The following CSMD2 variants were observed in gnomAD, a reference collection of about 807,000 sequenced individuals.
The protein encoded by CSMD2 is CUB and Sushi multiple domains 2.
A neutral mutation model predicts 398.5 loss-of-function variants in CSMD2; 130 were observed. The observed-to-expected ratio is 0.33, with a 90% CI of 0.28 to 0.38. The LOEUF (loss-of-function observed/expected upper bound fraction) is 0.38, where lower values mean the gene tolerates loss of function less well. Ranked by LOEUF, CSMD2 falls within the 10% of genes least tolerant of loss-of-function variation. CSMD2 has a pLI of 1.00. For synonymous variants in CSMD2, 1,828 were observed against 1,908.5 expected (o/e 0.96, Z 1.10); for missense variants, 3,829 against 4,764.9 (o/e 0.80, Z 5.78).
At chr1:33,804,381 C>G (rs879494479) in intron 10 of CSMD2, among the ~76,000 whole-genome samples, 1 of 152,196 alleles carries the variant, frequency 6.6e-6, no homozygotes, top group East Asian at 1.9e-4. Context: ...ACCTCAGTGC[C>G]TTTGCACATT....
At chr1:33,831,565 A>C (rs1257300602) in intron 6 of CSMD2, among the ~76,000 whole-genome samples, 1 of 152,062 alleles carries the variant, frequency 6.6e-6, no homozygotes, top group African/African-American at 2.4e-5. Context: ...TCATGCCAAA[A>C]TGTAAAGACC....
chr1:33,615,413 C>G (rs577810574), intron 39 of CSMD2, among the ~76,000 whole-genome samples: 37 of 152,274 alleles, frequency 2.4e-4, no homozygotes, highest in African/African-American at 8.4e-4. Flanking sequence ...ATTGGCAGGT[C>G]CAGGCAAGTG....
At chr1:33,700,752 A>C (rs1221137923) in intron 22 of CSMD2, 79 bp from the exon 23 acceptor site, 7 of 1,431,182 alleles carry the variant, frequency 4.9e-6, no homozygotes, top group Non-Finnish European at 6.8e-6. Flanking sequence ...CCCACAACCC[A>C]CACTCCTGGA....
chr1:33,978,448 C>T (rs572155645), intron 3 of CSMD2, among the ~76,000 whole-genome samples: 76 of 152,304 alleles, frequency 5.0e-4, no homozygotes, highest in African/African-American at 1.8e-3. Flanking sequence ...GCAACCCACT[C>T]CAGGGCGAGA....
At chr1:34,001,344 T>C (rs1646894933) in intron 3 of CSMD2, among the ~76,000 whole-genome samples, 1 of 152,196 alleles carries the variant, frequency 6.6e-6, no homozygotes, top group African/African-American at 2.4e-5. Flanking sequence ...AAAAATTTTA[T>C]ATATAGCAAT....
intron 6 of CSMD2, among the ~76,000 whole-genome samples, chr1:33,843,726 T>G (rs898202702): frequency 3.3e-5 from 5 of 152,168 alleles, no homozygotes; most frequent in Admixed American, 3.3e-4. Flanking sequence ...GGCTTCCTGT[T>G]GGATTGGCAG....
At chr1:33,520,092 G>T in intron 68 of CSMD2, 142 bp from the exon 69 acceptor site, 1 of 975,266 alleles carries the variant, frequency 1.0e-6, no homozygotes, top group Non-Finnish European at 1.5e-6. Context: ...GGAGGCAGGT[G>T]TGCCCAGGGC....
chr1:33,766,534 A>G (rs1650522494), intron 13 of CSMD2, among the ~76,000 whole-genome samples: 1 of 152,222 alleles, frequency 6.6e-6, no homozygotes, highest in Non-Finnish European at 1.5e-5. Flanking sequence ...GGCCCACTTC[A>G]TTTATATAAT....
chr1:33,828,700 T>C (rs1570092), intron 6 of CSMD2, among the ~76,000 whole-genome samples: 119,477 of 152,070 alleles, frequency 0.79, 47,786 homozygotes, highest in East Asian at 0.94. Context: ...CACGGTTGCA[T>C]TGAGGAAAAG....
intron 25 of CSMD2, among the ~76,000 whole-genome samples, chr1:33,663,877 C>T (rs508546): frequency 0.92 from 139,771 of 152,288 alleles, 64,171 homozygotes; most frequent in Admixed American, 0.94. Flanking sequence ...GTTGCAAAGA[C>T]AATACGGTGT....
chr1:34,082,359 G>A (rs1260390631), intron 2 of CSMD2, among the ~76,000 whole-genome samples: 1 of 151,650 alleles, frequency 6.6e-6, no homozygotes, highest in Non-Finnish European at 1.5e-5. Flanking sequence ...CCCAGCAGCC[G>A]CCCCGTCTGG....
chr1:34,165,655 T>C (rs1641823797), upstream of CSMD2: 2 of 1,186,074 alleles, frequency 1.7e-6, no homozygotes, highest in South Asian at 2.6e-5. Flanking sequence ...CACAGGCACA[T>C]ACACGCACAC....
At chr1:34,081,000 A>G (rs1219974166) in intron 2 of CSMD2, among the ~76,000 whole-genome samples, 8 of 149,810 alleles carry the variant, frequency 5.3e-5, no homozygotes, top group Non-Finnish European at 1.2e-4. Context: ...GATGTGAGAA[A>G]GGGATGTGAC....
At chr1:33,928,031 C>A (rs1050849665) in intron 4 of CSMD2, among the ~76,000 whole-genome samples, 5 of 152,212 alleles carry the variant, frequency 3.3e-5, no homozygotes, top group South Asian at 2.1e-4. Flanking sequence ...TGGAGCCATG[C>A]AGGGGATGCC....
chr1:33,542,652 C>G, intron 58 of CSMD2, 68 bp downstream of exon 58: 1 of 1,417,362 alleles, frequency 7.1e-7, no homozygotes, highest in Non-Finnish European at 9.6e-7. Context: ...CCATGGATAG[C>G]CTTCTCCTCT....
chr1:33,699,630 AGAC>A (rs1225065851), intron 23 of CSMD2, among the ~76,000 whole-genome samples: 5 of 152,232 alleles, frequency 3.3e-5, no homozygotes, highest in Non-Finnish European at 7.3e-5. Context: ...CCTTGAGCCC[AGAC>A]GAGGGGAAAC....
intron 13 of CSMD2, chr1:33,772,336 G>A: frequency 2.1e-6 from 1 of 480,240 alleles, no homozygotes; most frequent in Non-Finnish European, 3.7e-6. Flanking sequence ...GTAAGACGGT[G>A]TTGAAGAGCA....
At chr1:34,006,883 G>A (rs1302642069) in intron 3 of CSMD2, among the ~76,000 whole-genome samples, 1 of 152,042 alleles carries the variant, frequency 6.6e-6, no homozygotes, top group Non-Finnish European at 1.5e-5. Flanking sequence ...GGTGAGGAAG[G>A]TGAGTGTCCC....
In CSMD2 at chr1:34,165,208, C is replaced by A. The variant is rs1011649119; in HGVS notation, c.-111G>T. The A allele has an allele frequency of 5.1e-6, 6 of 1,165,580 alleles. No individual in the cohort carries two copies. In the African/African-American group the frequency reaches 9.7e-5, roughly 19 times the overall value. The allele number at this position is 1,165,580 out of a possible 1,614,324, so 72.2% of individuals were successfully genotyped here. On this transcript the variant is annotated 5_prime_UTR_variant, in exon 1 of 71. Coordinates refer to ENST00000373381, the MANE Select transcript of CSMD2 (RefSeq NM_001281956.2). ...CGGAAAAAATCCCGGTACGCGGGAG[C>A]CCTGAGCTTCTGCGGCTGGAATGAA... is the stretch of plus-strand genomic sequence containing the variant.
Sources: allele counts gnomAD v4.1 joint callset (sites outside exome capture counted in the v4.1 genomes callset), GRCh38; gene constraint gnomAD v4.1.1; transcripts MANE v1.5; gene names NCBI Gene and HGNC (gene_info 2026-07-23, HGNC 2026-07-21).